UNC13C: variants seen among roughly 807,000 people sequenced by gnomAD.
UNC13C encodes the protein protein unc-13 homolog C.
Under a neutral mutation model 245.4 loss-of-function variants are expected in UNC13C, and 174 were observed. The observed-to-expected ratio is 0.71, with a 90% confidence interval of 0.63 to 0.80. The LOEUF (loss-of-function observed/expected upper bound fraction) is 0.80, where lower values mean the gene tolerates loss of function less well. Ranked by LOEUF, UNC13C falls within the 30% of genes least tolerant of loss-of-function variation. The pLI, the probability that UNC13C is intolerant of heterozygous loss-of-function variation, is 0.00. For missense variants in UNC13C, 2,829 were observed against 2,602.9 expected (o/e 1.09, Z -1.89); for synonymous variants, 992 against 895.1 (o/e 1.11, Z -1.93).
intron 19 of UNC13C, among the ~76,000 whole-genome samples, chr15:54,435,497 T>C (rs1157794540): frequency 1.3e-5 from 2 of 151,026 alleles, no homozygotes; most frequent in Admixed American, 6.6e-5. Flanking sequence ...AAACACCATA[T>C]GTTCTCACTC....
intron 13 of UNC13C, among the ~76,000 whole-genome samples, chr15:54,312,678 G>T (rs948074076): frequency 6.6e-6 from 1 of 151,724 alleles, no homozygotes; most frequent in African/African-American, 2.4e-5. Flanking sequence ...GAGTGAGAAG[G>T]TGTGGGAAAG....
chr15:53,972,681 G>A, the UNC13C span: 4 of 152,166 alleles, frequency 2.6e-5, no homozygotes, highest in South Asian at 2.1e-4. Context: ...CAGTCATCAG[G>A]AAGCTTCTGT....
At chr15:53,943,262 T>C in the UNC13C span, among the ~76,000 whole-genome samples, 1 of 152,220 alleles carries the variant, frequency 6.6e-6, no homozygotes, top group African/African-American at 2.4e-5. Context: ...GCAATTCTAT[T>C]TTATTTGCTA....
chr15:54,100,756 T>C (rs925959898), intron 2 of UNC13C, among the ~76,000 whole-genome samples: 4 of 152,068 alleles, frequency 2.6e-5, no homozygotes, highest in African/African-American at 9.7e-5. Flanking sequence ...TTTCAAAACC[T>C]TTCTTTCTAC....
chr15:54,446,201 TA>T (rs1222958097), intron 19 of UNC13C, among the ~76,000 whole-genome samples: 41 of 152,356 alleles, frequency 2.7e-4, no homozygotes, highest in African/African-American at 9.4e-4. Context: ...TATAGCCTTG[TA>T]GTATAGTTTA....
the UNC13C span, among the ~76,000 whole-genome samples, chr15:53,907,035 T>A: frequency 6.6e-6 from 1 of 152,104 alleles, no homozygotes; most frequent in African/African-American, 2.4e-5. Context: ...TAATTCAAGA[T>A]GAGAGTTGGG....
chr15:53,840,400 A>G, the UNC13C span, among the ~76,000 whole-genome samples: 2 of 152,116 alleles, frequency 1.3e-5, no homozygotes, highest in Non-Finnish European at 2.9e-5. Flanking sequence ...GAGTTTGTCA[A>G]TATTCTCTAG....
chr15:54,623,017 G>C (rs1349841985), intron 31 of UNC13C, among the ~76,000 whole-genome samples: 3 of 152,028 alleles, frequency 2.0e-5, no homozygotes, highest in Non-Finnish European at 4.4e-5. Context: ...AAGTAAAATA[G>C]CTATATTTTA....
intron 18 of UNC13C, among the ~76,000 whole-genome samples, chr15:54,408,296 T>A (rs953696485): frequency 6.6e-6 from 1 of 151,224 alleles, no homozygotes. Flanking sequence ...CTAGTACACT[T>A]TCCTAATCTC....
intron 1 of UNC13C, among the ~76,000 whole-genome samples, chr15:53,982,583 T>G (rs1429187491): frequency 6.6e-6 from 1 of 152,158 alleles, no homozygotes; most frequent in Non-Finnish European, 1.5e-5. Flanking sequence ...TGAAAAAGTC[T>G]AAATAGTTGC....
chr15:54,250,452 C>T lies in UNC13C; in HGVS notation c.3448+8C>T, dbSNP rs2036115854. 6.3e-7 allele frequency: 1 copy of T among 1,592,304 alleles called. No homozygotes were observed. Among genetic ancestry groups the T allele is most frequent in the African/African-American group, 1.3e-5 (1 of 74,424 alleles). ...ACGCTGACTGCTTGCAGAGTGAGTA[C>T]TTGGTTTGGCTGAAAAAGTGGTATG... is the stretch of plus-strand genomic sequence containing the variant. On this transcript the variant is annotated splice_region_variant and intron_variant, in intron 8 of 32. Transcript: ENST00000260323.
At chr15:53,938,343 C>A in the UNC13C span, among the ~76,000 whole-genome samples, 2 of 152,172 alleles carry the variant, frequency 1.3e-5, no homozygotes, top group African/African-American at 2.4e-5. Context: ...AGTATATATG[C>A]ACCCAATACT....
intron 30 of UNC13C, among the ~76,000 whole-genome samples, chr15:54,594,230 C>T (rs1383116456): frequency 1.3e-5 from 2 of 152,088 alleles, no homozygotes; most frequent in African/African-American, 2.4e-5. Flanking sequence ...GTGGAGGTGC[C>T]AGAGGGTGCA....
At chr15:53,865,177 A>C in the UNC13C span, among the ~76,000 whole-genome samples, 2 of 152,360 alleles carry the variant, frequency 1.3e-5, no homozygotes, top group African/African-American at 4.8e-5. Context: ...TAGCTTAAGA[A>C]TATCAACAGT....
chr15:54,577,309 G>T (rs1897998061), intron 30 of UNC13C, among the ~76,000 whole-genome samples: 1 of 152,068 alleles, frequency 6.6e-6, no homozygotes, highest in Non-Finnish European at 1.5e-5. Flanking sequence ...GCACAGTTTA[G>T]GTCACTGAAA....
At chr15:54,265,713 C>T (rs2140892253) in intron 10 of UNC13C, among the ~76,000 whole-genome samples, 1 of 151,752 alleles carries the variant, frequency 6.6e-6, no homozygotes, top group African/African-American at 2.4e-5. Context: ...AAGAATACTT[C>T]AAATCAAAAA....
chr15:53,845,297 C>G, the UNC13C span, among the ~76,000 whole-genome samples: 1 of 145,314 alleles, frequency 6.9e-6, no homozygotes, highest in African/African-American at 2.6e-5. Flanking sequence ...TGCACTCCAG[C>G]CTGGGTGACA....
chr15:54,319,954 G>A lies in UNC13C; in HGVS notation c.4269-1985G>A, dbSNP rs984328722. On this transcript the variant is annotated intron_variant, in intron 13 of 32. Coordinates refer to ENST00000260323, the MANE Select transcript of UNC13C (RefSeq NM_001080534.3). ...GGTATAAATGATACCATTATTCAAG[G>A]TTTAAAAGAAATGATCTTTAAGCAT... Among the ~76,000 whole-genome samples, 13 of 151,908 alleles carry A rather than the reference G, an allele frequency of 8.6e-5. 1 individual carries two copies. The highest frequency in any genetic ancestry group is 6.6e-4 in the Admixed American group (10 of 15,222).
the UNC13C span, among the ~76,000 whole-genome samples, chr15:53,925,651 T>C: frequency 6.6e-6 from 1 of 152,180 alleles, no homozygotes. Context: ...GCTCTCCCCG[T>C]AAAATGACAG....
Sources: allele counts gnomAD v4.1 joint callset (sites outside exome capture counted in the v4.1 genomes callset), GRCh38; gene constraint gnomAD v4.1.1; transcripts MANE v1.5; gene names NCBI Gene and HGNC (gene_info 2026-07-23, HGNC 2026-07-21).